S1PR3: variants seen among roughly 807,000 people sequenced by gnomAD.
S1PR3 encodes the protein sphingosine-1-phosphate receptor 3.
S1PR3 carries 12 observed loss-of-function variants against 13.3 expected under a neutral mutation model. The observed-to-expected ratio is 0.90, with a 90% confidence interval of 0.58 to 1.46. S1PR3 has a LOEUF of 1.46. S1PR3 is among the 40% of genes most tolerant of loss of function. The pLI is 0.00. For missense variants in S1PR3, 450 were observed against 501.9 expected (o/e 0.90, Z 0.99); for synonymous variants, 232 against 214.0 (o/e 1.08, Z -0.73).
At chr9:88,996,678 C>T (rs962406081) in intron 1 of S1PR3, 1 of 152,750 alleles carries the variant, frequency 6.5e-6, no homozygotes, top group Non-Finnish European at 1.5e-5. Flanking sequence ...TCCGGCCCAT[C>T]TTGTTGCTGG....
At chr9:88,997,948 G>C (rs1337946486) in intron 1 of S1PR3, 2 of 152,276 alleles carry the variant, frequency 1.3e-5, no homozygotes, top group Non-Finnish European at 2.9e-5. Context: ...TGTTCGTGTG[G>C]GAAACGGCAG....
Sources: gnomAD v4.1 joint callset for allele counts on GRCh38, gnomAD v4.1.1 for gene constraint, MANE v1.5 for transcripts, NCBI Gene and HGNC (gene_info 2026-07-23, HGNC 2026-07-21) for gene names.